Variants in F7 observed in about 807,000 individuals in gnomAD.
F7 encodes the protein coagulation factor VII.
In F7, 38 loss-of-function variants were observed where a neutral mutation model predicts 47.5. That is an observed-to-expected ratio of 0.80 (90% confidence interval 0.62 to 1.05). The LOEUF is 1.05. Ranked by LOEUF, F7 falls within the 50% of genes least tolerant of loss-of-function variation. F7 has a pLI of 0.00. For missense variants in F7, 575 were observed against 605.4 expected (o/e 0.95, Z 0.53); for synonymous variants, 244 against 258.5 (o/e 0.94, Z 0.54).
intron 2 of F7, among the ~76,000 whole-genome samples, chr13:113,112,205 C>A (rs112001718): frequency 6.7e-6 from 1 of 149,196 alleles, no homozygotes; most frequent in East Asian, 2.0e-4. Flanking sequence ...GGACACCTCA[C>A]ACAGGACACC....
chr13:113,110,587 C>T (rs2036071659), intron 1 of F7, 103 bp from the exon 2 acceptor site: 2 of 1,475,994 alleles, frequency 1.4e-6, no homozygotes, highest in East Asian at 5.0e-5. Context: ...TCCTCCAGGA[C>T]GGGCGGGAAC....
Position 113,118,568 on chromosome 13 carries a change from C to T in F7, c.895C>T (p.Leu299Phe), listed in dbSNP as rs778138366. ...PVVLTDHVVP[L>F]CLPERTFSER... ...GGTCCTCACTGACCATGTGGTGCCCCTCTGCCTGCCCGAACGGACGTTCTC... is the reference window on the plus strand; with the variant it reads ...GGTCCTCACTGACCATGTGGTGCCCTTCTGCCTGCCCGAACGGACGTTCTC... The change falls in exon 8 of 8, where the codon CTC becomes TTC. Residue 299 changes from leucine (L) to phenylalanine (F), a missense_variant. Coordinates refer to ENST00000346342, the MANE Select transcript of F7 (RefSeq NM_019616.4). 1 of 1,612,736 alleles carries T rather than the reference C, an allele frequency of 6.2e-7. No individual in the cohort carries two copies. Among genetic ancestry groups the T allele is most frequent in the South Asian group, 1.1e-5 (1 of 91,072 alleles).
intron 4 of F7, among the ~76,000 whole-genome samples, chr13:113,114,198 T>C (rs2036153619): frequency 6.6e-6 from 1 of 152,170 alleles, no homozygotes. Context: ...CTCCCGGCCC[T>C]GGGCAATTCT....
At chr13:113,116,734 C>A (rs368998950) in intron 5 of F7, 32 bp from the exon 6 acceptor site, 2 of 1,491,320 alleles carry the variant, frequency 1.3e-6, no homozygotes, top group Non-Finnish European at 1.9e-6. Flanking sequence ...CCTCACAAAT[C>A]TCTGCATCTT....
chr13:113,115,889 G>A, intron 5 of F7, 89 bp downstream of exon 5: 5 of 1,562,222 alleles, frequency 3.2e-6, no homozygotes, highest in Non-Finnish European at 4.4e-6. Flanking sequence ...GGTGGGAGTG[G>A]CTTCACATCT....
chr13:113,112,921 TACTC>T (rs1465200785), intron 2 of F7, among the ~76,000 whole-genome samples: 8 of 145,904 alleles, frequency 5.5e-5, no homozygotes, highest in East Asian at 4.2e-4. Flanking sequence ...GATCACCTCA[TACTC>T]ACAGATCACT....
intron 2 of F7, among the ~76,000 whole-genome samples, chr13:113,111,801 G>A (rs1400383273): frequency 1.7e-4 from 3 of 17,886 alleles, no homozygotes; most frequent in Admixed American, 8.4e-4. Context: ...CACCTCACAC[G>A]GGGCACACTT....
chr13:113,110,874 C>CG (rs1403502527), intron 2 of F7, 24 bp downstream of exon 2: 3 of 1,550,108 alleles, frequency 1.9e-6, no homozygotes. Flanking sequence ...CGGGGCGCCC[C>CG]GCGCCGCGGA....
chr13:113,110,768 C>A lies in F7; in HGVS notation c.143C>A (p.Pro48Gln), dbSNP rs748949222. ...RANAFLEELR[P>Q]GSLERECKEE... Reference sequence around the variant, plus strand: ...AACGCGTTCCTGGAGGAGCTGCGGCCGGGCTCCCTGGAGAGGGAGTGCAAG... The same window carrying A: ...AACGCGTTCCTGGAGGAGCTGCGGCAGGGCTCCCTGGAGAGGGAGTGCAAG... The change falls in exon 2 of 8, where the codon CCG becomes CAG. Residue 48 changes from proline (P) to glutamine (Q), a missense_variant. Physicochemically the swap from Pro to Gln is moderately conservative, Grantham distance 76 (BLOSUM62 -1). Transcript: ENST00000346342. 6.5e-6 allele frequency: 10 copies of A among 1,550,092 alleles called. No individual in the cohort carries two copies. The highest frequency in any genetic ancestry group is 8.7e-6 in the Non-Finnish European group (10 of 1,147,134).
intron 1 of F7, chr13:113,106,797 C>T (rs2035969014): frequency 6.5e-7 from 1 of 1,546,658 alleles, no homozygotes; most frequent in South Asian, 1.2e-5. Context: ...GGGCTGCAGC[C>T]CTAGCTCACA....
chr13:113,114,432 T>C (rs149235860), intron 4 of F7: 26 of 232,070 alleles, frequency 1.1e-4, no homozygotes, highest in African/African-American at 5.9e-4. Flanking sequence ...TAGAATCCAC[T>C]GAAGTGGATA....
rs754697414 is a variant in F7, at chr13:113,110,835, G to C, written c.210G>C (p.Lys70Asn). 1.9e-6 allele frequency: 3 copies of C among 1,561,170 alleles called. No homozygotes were observed. The highest frequency in any genetic ancestry group is 1.4e-5 in the African/African-American group (1 of 73,732). ...CSFEEAREIF[K>N]DAERTKLFWI... ...TCGAGGAGGCCCGGGAGATCTTCAA[G>C]GACGCGGAGAGGACGGTGAGCCCAG... Residue 70 changes from lysine (K) to asparagine (N), a missense_variant, in exon 2 of 8, where the codon AAG becomes AAC. By Grantham distance (94) the Lys-to-Asn change is moderately conservative. Coordinates refer to ENST00000346342, the MANE Select transcript of F7 (RefSeq NM_019616.4).
intron 7 of F7, 114 bp from the exon 8 acceptor site, chr13:113,118,299 C>G: frequency 8.1e-7 from 1 of 1,231,460 alleles, no homozygotes; most frequent in Non-Finnish European, 1.1e-6. Context: ...CCCCTTGCCC[C>G]AGAAGGAGAC....
In F7 at chr13:113,115,771, T is replaced by G; in HGVS notation, c.476T>G (p.Leu159Arg). 6.2e-7 allele frequency: 1 copy of G among 1,613,288 alleles called. No individual in the cohort carries two copies. The highest frequency in any genetic ancestry group is 1.1e-5 in the South Asian group (1 of 91,082). ...SCRCHEGYSL[L>R]ADGVSCTPTV... ...CGGTGCCACGAGGGGTACTCTCTGCTGGCAGACGGGGTGTCCTGCACACCC... is the reference window on the plus strand; with the variant it reads ...CGGTGCCACGAGGGGTACTCTCTGCGGGCAGACGGGGTGTCCTGCACACCC... Residue 159 changes from leucine (L) to arginine (R), a missense_variant, in exon 5 of 8, where the codon CTG (leucine) becomes CGG (arginine). Physicochemically the swap from Leu to Arg is moderately radical, Grantham distance 102. Coordinates refer to ENST00000346342, the MANE Select transcript of F7 (RefSeq NM_019616.4).
At chr13:113,108,726 G>C (rs2036023861) in intron 1 of F7, among the ~76,000 whole-genome samples, 1 of 130,996 alleles carries the variant, frequency 7.6e-6, no homozygotes, top group Admixed American at 7.3e-5. Flanking sequence ...CGGGGGTCGT[G>C]GGTGTCCCGG....
chr13:113,115,683 G>A lies in F7; in HGVS notation c.388G>A (p.Val130Met), dbSNP rs758351183. ...ETHKDDQLIC[V>M]NENGGCEQYC... ...AGACAAGGATGACCAGCTGATCTGT[G>A]TGAACGAGAACGGCGGCTGTGAGCA... Residue 130 changes from valine to methionine, a missense_variant, in exon 5 of 8, where the codon GTG (valine) becomes ATG (methionine). Transcript: ENST00000346342. The A allele has an allele frequency of 1.9e-6, 3 of 1,613,242 alleles. No individual in the cohort carries two copies. Among genetic ancestry groups the A allele is most frequent in the South Asian group, 2.2e-5 (2 of 91,056 alleles).
chr13:113,116,870 T>C lies in F7; in HGVS notation c.610T>C (p.Trp204Arg). ...GKVCPKGECP[W>R]QVLLLVNGAQ... Reference sequence around the variant, plus strand: ...GGTGTGCCCCAAAGGGGAGTGTCCATGGCAGGTAAGGCTTCCCCTGGCTTC... The same window carrying C: ...GGTGTGCCCCAAAGGGGAGTGTCCACGGCAGGTAAGGCTTCCCCTGGCTTC... The change falls in exon 6 of 8, where the codon TGG becomes CGG. Residue 204 changes from tryptophan (W) to arginine (R), a missense_variant. Trp to Arg is a moderately radical substitution (Grantham distance 101). Coordinates refer to ENST00000346342, the MANE Select transcript of F7 (RefSeq NM_019616.4). 3.1e-6 allele frequency: 5 copies of C among 1,612,788 alleles called. No individual in the cohort carries two copies. The highest frequency in any genetic ancestry group is 3.4e-6 in the Non-Finnish European group (4 of 1,179,220).
In F7 at chr13:113,105,895, C is replaced by T. The variant is rs771079279; in HGVS notation, c.54C>T (p.Cys18=). The T allele has an allele frequency of 1.3e-6, 2 of 1,589,084 alleles. No individual in the cohort carries two copies. The highest frequency in any genetic ancestry group is 1.7e-6 in the Non-Finnish European group (2 of 1,168,168). ...GCCTTCTGCTTGGGCTTCAGGGCTG[C>T]CTGGCTGCAGGTGCGTCCGGGGAGG... The part of the protein sequence containing the change: ...LLCLLLGLQG[C]LAAVFVTQEE... The change falls in exon 1 of 8, where the codon TGC becomes TGT. Residue 18 remains cysteine (C), a synonymous_variant. Coordinates refer to ENST00000346342, the MANE Select transcript of F7 (RefSeq NM_019616.4).
chr13:113,106,114 G>C (rs572411064), intron 1 of F7, among the ~76,000 whole-genome samples: 5 of 150,196 alleles, frequency 3.3e-5, no homozygotes, highest in African/African-American at 9.8e-5. Context: ...CCAGGCTTTG[G>C]CGGGATTATT....
Sources: allele counts gnomAD v4.1 joint callset (sites outside exome capture counted in the v4.1 genomes callset), GRCh38; gene constraint gnomAD v4.1.1; transcripts MANE v1.5; gene names NCBI Gene and HGNC (gene_info 2026-07-23, HGNC 2026-07-21).